Variants in RBMS3 observed in about 807,000 individuals in gnomAD.
RBMS3 encodes RNA-binding motif, single-stranded-interacting protein 3.
A neutral mutation model predicts 66.8 loss-of-function variants in RBMS3; 27 were observed. The observed-to-expected ratio is 0.40, with a 90% CI of 0.30 to 0.56. The LOEUF (loss-of-function observed/expected upper bound fraction) is 0.56, where lower values mean the gene tolerates loss of function less well. RBMS3 is among the 20% of genes least tolerant of loss of function. The pLI is 0.40. For missense variants in RBMS3, 513 were observed against 549.5 expected (o/e 0.93, Z 0.66); for synonymous variants, 188 against 183.0 (o/e 1.03, Z -0.22).
intron 11 of RBMS3, among the ~76,000 whole-genome samples, chr3:29,938,564 ATAT>A (rs2061321338): frequency 6.6e-6 from 1 of 152,006 alleles, no homozygotes; most frequent in South Asian, 2.1e-4. Context: ...GGTGTCCAGA[ATAT>A]TGTTATATTG....
chr3:29,977,153 C>T (rs1053803561), intron 12 of RBMS3, among the ~76,000 whole-genome samples: 5 of 152,052 alleles, frequency 3.3e-5, no homozygotes, highest in African/African-American at 7.2e-5. Flanking sequence ...CGTTAACCAG[C>T]TTCATCAGTT....
chr3:29,326,574 C>T (rs1188697006), intron 1 of RBMS3, among the ~76,000 whole-genome samples: 3 of 152,222 alleles, frequency 2.0e-5, no homozygotes, highest in South Asian at 2.1e-4. Flanking sequence ...GTTTATGTGG[C>T]TACCTACCTT....
intron 1 of RBMS3, among the ~76,000 whole-genome samples, chr3:29,420,556 GTTTGTTTTTTTTTGT>G (rs1320413520): frequency 5.0e-5 from 3 of 60,192 alleles, no homozygotes; most frequent in African/African-American, 2.0e-4. Flanking sequence ...GTGTACTTAG[GTTTGTTTTTTTTTGT>G]TTTGTTTTGT....
At chr3:29,878,738 T>C (rs2059668126) in intron 7 of RBMS3, among the ~76,000 whole-genome samples, 1 of 152,090 alleles carries the variant, frequency 6.6e-6, no homozygotes. Context: ...CCCCACATTA[T>C]GGAAATAGTA....
chr3:29,711,605 A>T (rs1255020842), intron 4 of RBMS3, among the ~76,000 whole-genome samples: 1 of 152,188 alleles, frequency 6.6e-6, no homozygotes, highest in African/African-American at 2.4e-5. Flanking sequence ...AGAGCCAAGC[A>T]GGGTCAGACT....
intron 6 of RBMS3, among the ~76,000 whole-genome samples, chr3:29,849,138 A>G (rs2058864004): frequency 6.6e-6 from 1 of 151,684 alleles, no homozygotes; most frequent in Admixed American, 6.6e-5. Context: ...ATGCACATAC[A>G]AATACACCAC....
At chr3:29,772,412 T>G (rs1459180387) in intron 6 of RBMS3, among the ~76,000 whole-genome samples, 1 of 152,104 alleles carries the variant, frequency 6.6e-6, no homozygotes, top group Non-Finnish European at 1.5e-5. Context: ...AAATAGTCTC[T>G]GAAAAACTCT....
chr3:29,504,125 C>CT (rs5847573), intron 3 of RBMS3, among the ~76,000 whole-genome samples: 20,031 of 152,014 alleles, frequency 0.13, 1,957 homozygotes, highest in African/African-American at 0.27. Flanking sequence ...AACTTGGTCT[C>CT]TAAGTTTAGA....
intron 12 of RBMS3, among the ~76,000 whole-genome samples, chr3:29,977,423 CTTTG>C (rs1463755979): frequency 2.6e-5 from 4 of 152,100 alleles, no homozygotes; most frequent in South Asian, 2.1e-4. Context: ...TTGGGGTTTT[CTTTG>C]TTTGTTTCCA....
At chr3:29,781,254 G>A (rs1576786332) in intron 6 of RBMS3, among the ~76,000 whole-genome samples, 1 of 95,810 alleles carries the variant, frequency 1.0e-5, no homozygotes, top group East Asian at 3.0e-4. Context: ...TTCTATCCTT[G>A]TAGTTTTCTC....
intron 1 of RBMS3, among the ~76,000 whole-genome samples, chr3:29,424,987 T>C (rs1367149229): frequency 1.3e-5 from 2 of 152,084 alleles, no homozygotes; most frequent in Admixed American, 1.3e-4. Flanking sequence ...CTGCATATTT[T>C]ATGTAGCTCT....
At chr3:29,907,963 G>T (rs929452038) in intron 10 of RBMS3, among the ~76,000 whole-genome samples, 8 of 151,904 alleles carry the variant, frequency 5.3e-5, no homozygotes, top group Non-Finnish European at 7.4e-5. Flanking sequence ...ATTTGTTAAG[G>T]TTGGCCCGGT....
intron 4 of RBMS3, among the ~76,000 whole-genome samples, chr3:29,705,260 C>T (rs2052830181): frequency 6.6e-6 from 1 of 152,132 alleles, no homozygotes; most frequent in African/African-American, 2.4e-5. Context: ...TGAAAAATAA[C>T]TTTTATGCAG....
At chr3:29,927,828 A>T (rs1040319170) in intron 10 of RBMS3, among the ~76,000 whole-genome samples, 5 of 152,148 alleles carry the variant, frequency 3.3e-5, no homozygotes, top group Non-Finnish European at 5.9e-5. Flanking sequence ...ACCTACCTGT[A>T]GAAGCCTCTT....
At chr3:29,562,319 G>T (rs575971543) in intron 3 of RBMS3, among the ~76,000 whole-genome samples, 1 of 152,044 alleles carries the variant, frequency 6.6e-6, no homozygotes, top group African/African-American at 2.4e-5. Flanking sequence ...ACTGCTGCCC[G>T]ATCTTCTGAT....
chr3:29,468,815 C>T (rs2042625468), intron 2 of RBMS3, among the ~76,000 whole-genome samples: 1 of 151,870 alleles, frequency 6.6e-6, no homozygotes, highest in South Asian at 2.1e-4. Flanking sequence ...AAATAAGCTA[C>T]CTGAAATTAA....
At chr3:29,550,276 C>T (rs1462800719) in intron 3 of RBMS3, among the ~76,000 whole-genome samples, 2 of 152,066 alleles carry the variant, frequency 1.3e-5, no homozygotes, top group African/African-American at 4.8e-5. Context: ...TAAGTCACAC[C>T]GTGAAGTTCT....
At chr3:29,829,473 TCTTCCTCTCAC>T (rs2058304663) in intron 6 of RBMS3, among the ~76,000 whole-genome samples, 2 of 152,220 alleles carry the variant, frequency 1.3e-5, no homozygotes, top group African/African-American at 4.8e-5. Context: ...GCATTTCTTC[TCTTCCTCTCAC>T]CTAACTTAAA....
intron 3 of RBMS3, among the ~76,000 whole-genome samples, chr3:29,518,516 A>C (rs916143595): frequency 6.6e-6 from 1 of 152,238 alleles, no homozygotes; most frequent in Non-Finnish European, 1.5e-5. Flanking sequence ...TAGTAAAAGA[A>C]GGTCATTATT....
Sources: allele counts gnomAD v4.1 joint callset (sites outside exome capture counted in the v4.1 genomes callset), GRCh38; gene constraint gnomAD v4.1.1; transcripts MANE v1.5; gene names NCBI Gene and HGNC (gene_info 2026-07-23, HGNC 2026-07-21).